Variants in AASS observed in about 807,000 individuals in gnomAD.
AASS encodes the protein aminoadipate-semialdehyde synthase.
AASS carries 86 observed loss-of-function variants against 105.4 expected under a neutral mutation model. The ratio of observed to expected loss-of-function variants is 0.82; its 90% CI spans 0.69 to 0.98. AASS has a LOEUF of 0.98. Among genes scored for constraint, AASS ranks in the 50% least tolerant of loss-of-function variants. The pLI is 0.00. For synonymous variants in AASS, 381 were observed against 394.8 expected (o/e 0.96, Z 0.41); for missense variants, 1,048 against 1,143.2 (o/e 0.92, Z 1.20).
At chr7:122,091,603 A>G (rs1793900669) in intron 18 of AASS, 100 bp downstream of exon 18, 8 of 1,538,256 alleles carry the variant, frequency 5.2e-6, no homozygotes, top group Non-Finnish European at 7.2e-6. Context: ...GGAGACAGGC[A>G]GCATCACCAT....
At chr7:122,088,234 T>C (rs2150513268) in intron 18 of AASS, among the ~76,000 whole-genome samples, 1 of 152,060 alleles carries the variant, frequency 6.6e-6, no homozygotes, top group East Asian at 1.9e-4. Context: ...CAAATACAAA[T>C]CTCCCAAGTA....
chr7:122,136,919 C>T (rs1049824379), intron 1 of AASS, among the ~76,000 whole-genome samples: 2 of 152,188 alleles, frequency 1.3e-5, no homozygotes, highest in Non-Finnish European at 2.9e-5. Flanking sequence ...TAGACACACA[C>T]ACAGACACAA....
At chr7:122,120,136 A>C (rs185598885) in intron 4 of AASS, among the ~76,000 whole-genome samples, 1 of 152,206 alleles carries the variant, frequency 6.6e-6, no homozygotes, top group East Asian at 1.9e-4. Flanking sequence ...ATTTCAGTTG[A>C]TTTCTCTGCT....
chr7:122,128,883 C>A (rs1002069299), intron 3 of AASS, among the ~76,000 whole-genome samples: 3 of 152,208 alleles, frequency 2.0e-5, no homozygotes, highest in African/African-American at 7.2e-5. Flanking sequence ...TTGAGACGAT[C>A]CTGGCTAACA....
rs1210484662 is a variant in AASS at position 122,081,853 on chromosome 7, G to C, written c.2185-258C>G. ...TCAAGCTCAAACTGAGATCAATAGT[G>C]TCATAACAATTCTACTGGTTTACAT... On this transcript the variant is annotated intron_variant, in intron 19 of 23. Transcript: ENST00000417368. 15 of 455,486 alleles carry C rather than the reference G, an allele frequency of 3.3e-5. No homozygotes were observed. The South Asian group carries it at 3.8e-4, about 11-fold the overall frequency. The allele number at this position is 455,486 out of a possible 1,614,324, so 28.2% of individuals were successfully genotyped here.
intron 6 of AASS, among the ~76,000 whole-genome samples, chr7:122,117,625 T>C (rs1359497966): frequency 1.3e-5 from 2 of 151,596 alleles, no homozygotes; most frequent in African/African-American, 4.8e-5. Context: ...AATTATCTTA[T>C]TTATTTATTT....
intron 1 of AASS, among the ~76,000 whole-genome samples, chr7:122,140,402 G>T (rs1427857146): frequency 6.7e-6 from 1 of 150,040 alleles, no homozygotes; most frequent in African/African-American, 2.5e-5. Context: ...GGAGAATGGC[G>T]TGGAACCCGG....
Position 122,138,499 on chromosome 7 carries a change from A to C in AASS, c.-15-4758T>G, listed in dbSNP as rs187967096. On this transcript the variant is annotated intron_variant, in intron 1 of 23. Transcript: ENST00000417368. ...CTCTCACTCTCTCTTTCTCTCTCAC[A>C]ATATCTTAGTGTACTTTATTCACCT... 6.9e-3 allele frequency among the ~76,000 whole-genome samples: 1,047 copies of C among 152,296 alleles called. 42 individuals carry two copies. Among genetic ancestry groups the C allele is most frequent in the Admixed American group, 0.064 (977 of 15,302 alleles).
At chr7:122,123,561 ATT>A (rs1795526788) in intron 4 of AASS, among the ~76,000 whole-genome samples, 1 of 152,226 alleles carries the variant, frequency 6.6e-6, no homozygotes, top group Admixed American at 6.5e-5. Flanking sequence ...CCAGTTATAG[ATT>A]ACATTTCTCA....
chr7:122,101,857 C>T (rs1205938125), intron 11 of AASS, among the ~76,000 whole-genome samples, 177 bp from the exon 12 acceptor site: 6 of 151,824 alleles, frequency 4.0e-5, no homozygotes, highest in Admixed American at 6.6e-5. Context: ...ATCAACTCTG[C>T]CCACAAGACT....
At chr7:122,100,453 T>C (rs894642665) in intron 13 of AASS, among the ~76,000 whole-genome samples, 8 of 151,924 alleles carry the variant, frequency 5.3e-5, no homozygotes, top group Non-Finnish European at 4.4e-5. Context: ...GCCAGTATAT[T>C]TCACTGACAC....
Position 122,133,607 on chromosome 7 carries a change from G to C in AASS, c.120C>G (p.Ala40=). 1 of 1,614,074 alleles carries C rather than the reference G, an allele frequency of 6.2e-7. No homozygotes were observed. Among genetic ancestry groups the C allele is most frequent in the South Asian group, 1.1e-5 (1 of 91,084 alleles). ...REDVNAWERR[A]PLAPKHIKGI... ...CTTTGATGTGCTTGGGAGCTAGCGG[G>C]GCCCTTCTCTCCCAGGCGTTCACAT... Residue 40 remains alanine (A), a synonymous_variant, in exon 2 of 24, where the codon GCC becomes GCG. Transcript: ENST00000417368.
intron 23 of AASS, among the ~76,000 whole-genome samples, chr7:122,077,106 C>G (rs1389106956): frequency 2.0e-5 from 3 of 152,158 alleles, no homozygotes; most frequent in Non-Finnish European, 4.4e-5. Context: ...TTCATTGATT[C>G]CTCAATAACT....
At position 122,076,519 on chromosome 7, in the gene AASS, T is replaced by C; in HGVS notation, c.2751A>G (p.Ile917Met). Reference protein sequence around the residue: ...ILERIKAEGIIYTTQSTIKP With the variant: ...ILERIKAEGIMYTTQSTIKP ...GTTTAATTGTACTCTGTGTAGTATA[T>C]ATAATGCCTTCTGCTTTAATTCGCT... Residue 917 changes from isoleucine to methionine, a missense_variant, in exon 24 of 24, where the codon ATA becomes ATG. Coordinates refer to ENST00000417368, the MANE Select transcript of AASS (RefSeq NM_005763.4). 3.7e-6 allele frequency: 6 copies of C among 1,613,642 alleles called. No homozygotes were observed. The highest frequency in any genetic ancestry group is 4.2e-6 in the Non-Finnish European group (5 of 1,179,518).
At position 122,073,605 on chromosome 7, in the gene AASS, A is replaced by G. The variant is rs1290298314; in HGVS notation, c.*2884T>C. ...ATAAAATCTACATACCACACAGTTC[A>G]AACATTCAAAGTATACAATTCAGTG... On this transcript the variant is annotated 3_prime_UTR_variant, in exon 24 of 24. Coordinates refer to ENST00000417368, the MANE Select transcript of AASS (RefSeq NM_005763.4). 6.6e-6 allele frequency among the ~76,000 whole-genome samples: 1 copy of G among 152,204 alleles called. No homozygotes were observed. Among genetic ancestry groups the G allele is most frequent in the Non-Finnish European group, 1.5e-5 (1 of 68,024 alleles).
At chr7:122,127,134 G>A (rs1240452639) in intron 3 of AASS, among the ~76,000 whole-genome samples, 4 of 151,596 alleles carry the variant, frequency 2.6e-5, no homozygotes, top group African/African-American at 9.7e-5. Flanking sequence ...GGATTCCTTC[G>A]AGTAGCTCAA....
intron 15 of AASS, among the ~76,000 whole-genome samples, chr7:122,097,585 C>G (rs1349867266): frequency 6.6e-6 from 1 of 151,848 alleles, no homozygotes; most frequent in Non-Finnish European, 1.5e-5. Context: ...CATATGTACT[C>G]AAATATCAAA....
At chr7:122,113,838 TGG>T (rs1321706466) in intron 9 of AASS, 118 bp from the exon 10 acceptor site, 2 of 1,180,818 alleles carry the variant, frequency 1.7e-6, no homozygotes, top group Admixed American at 4.0e-5. Flanking sequence ...TCCAGGCTTT[TGG>T]GGTCTTTTTC....
chr7:122,108,902 T>A (rs955877511), intron 11 of AASS, among the ~76,000 whole-genome samples: 1 of 151,980 alleles, frequency 6.6e-6, no homozygotes, highest in African/African-American at 2.4e-5. Context: ...ATCTTATATA[T>A]AGAAAACCCT....
Sources: gnomAD v4.1 joint callset for allele counts (sites outside exome capture counted in the v4.1 genomes callset) on GRCh38, gnomAD v4.1.1 for gene constraint, MANE v1.5 for transcripts, NCBI Gene and HGNC (gene_info 2026-07-23, HGNC 2026-07-21) for gene names.